Variants in SH3BP5 observed in about 807,000 individuals in gnomAD.
SH3BP5 encodes SH3 domain binding protein 5, also known as SH3 domain-binding protein 5.
Under a neutral mutation model 43.3 loss-of-function variants are expected in SH3BP5, and 22 were observed. The observed-to-expected ratio is 0.51, with a 90% confidence interval of 0.36 to 0.73. The LOEUF is 0.73. Among genes scored for constraint, SH3BP5 ranks in the 30% least tolerant of loss-of-function variants. The probability of loss-of-function intolerance (pLI) is 0.00; values close to 1 mark genes in which losing one functional copy is unlikely to be tolerated. For synonymous variants in SH3BP5, 255 were observed against 225.8 expected, an observed-to-expected ratio of 1.13 and a Z score of -1.16; for missense variants, 529 against 586.9, an observed-to-expected ratio of 0.90 and a Z score of 1.02.
intron 1 of SH3BP5, among the ~76,000 whole-genome samples, chr3:15,340,828 G>A (rs1026907985): frequency 7.2e-5 from 11 of 152,054 alleles, no homozygotes; most frequent in African/African-American, 2.2e-4. Context: ...TGAGGCGGGC[G>A]GATCACCTGA....
chr3:15,315,202 C>T (rs199528936), intron 2 of SH3BP5, among the ~76,000 whole-genome samples: 1 of 143,046 alleles, frequency 7.0e-6, no homozygotes, highest in Non-Finnish European at 1.5e-5. Flanking sequence ...CAAGACTGCC[C>T]AGGGCCAACT....
Position 15,288,148 on chromosome 3 carries a change from G to C in SH3BP5, c.330+15955C>G, listed in dbSNP as rs368123561. ...CAGAATTCCCTCTTGCTCATGGGAG[G>C]TCCCTCTTTTGCTCTATTCAGACCT... On this transcript the variant is annotated intron_variant, in intron 3 of 8. Transcript: ENST00000383791. 1.4e-4 allele frequency among the ~76,000 whole-genome samples: 21 copies of C among 152,310 alleles called. No homozygotes were observed. The South Asian group carries it at 2.1e-3, about 15-fold the overall frequency.
intron 5 of SH3BP5, among the ~76,000 whole-genome samples, chr3:15,261,928 T>C (rs1446668955): frequency 1.3e-5 from 2 of 152,170 alleles, no homozygotes; most frequent in African/African-American, 4.8e-5. Flanking sequence ...TTTTTCTGTG[T>C]TTCCTAACTT....
chr3:15,280,312 G>A (rs979778673), intron 3 of SH3BP5, among the ~76,000 whole-genome samples: 2 of 151,964 alleles, frequency 1.3e-5, no homozygotes, highest in Non-Finnish European at 2.9e-5. Flanking sequence ...GTGTGCCACC[G>A]GCTAGAGAAT....
chr3:15,319,151 T>C (rs2125131603), intron 2 of SH3BP5, among the ~76,000 whole-genome samples: 1 of 152,344 alleles, frequency 6.6e-6, no homozygotes, highest in Non-Finnish European at 1.5e-5. Flanking sequence ...TAATAGGTAT[T>C]GAAGCCATGC....
chr3:15,335,499 G>A (rs1029154437), upstream of SH3BP5, among the ~76,000 whole-genome samples: 1 of 151,996 alleles, frequency 6.6e-6, no homozygotes, highest in African/African-American at 2.4e-5. Flanking sequence ...CTTGAGCCCA[G>A]GAAGTCAAAG....
chr3:15,300,538 C>T (rs896258917), intron 3 of SH3BP5, among the ~76,000 whole-genome samples: 6 of 152,032 alleles, frequency 3.9e-5, no homozygotes, highest in African/African-American at 1.5e-4. Flanking sequence ...ACAGGAAGTC[C>T]TACTTGGCAG....
intron 7 of SH3BP5, 144 bp downstream of exon 7, chr3:15,258,687 A>G (rs906021247): frequency 1.2e-5 from 8 of 645,914 alleles, no homozygotes; most frequent in Non-Finnish European, 1.9e-5. Flanking sequence ...AGTGTTCCAT[A>G]AAACATGGGA....
chr3:15,256,151 A>C lies in SH3BP5; in HGVS notation c.1303T>G (p.Ser435Ala). 4 of 1,614,164 alleles carry C rather than the reference A, an allele frequency of 2.5e-6. No homozygotes were observed. Among genetic ancestry groups the C allele is most frequent in the Non-Finnish European group, 2.5e-6 (3 of 1,180,016 alleles). ...QALENRMKQL[S>A]LQCSKGRDGI... ...TCTCTTCCCTTTGAGCACTGTAGGGAGAGCTGCTTCATCCGGTTCTCCAAG... is the reference window on the plus strand; with the variant it reads ...TCTCTTCCCTTTGAGCACTGTAGGGCGAGCTGCTTCATCCGGTTCTCCAAG... Residue 435 changes from serine (S) to alanine (A), a missense_variant, in exon 9 of 9, where the codon TCC (serine) becomes GCC (alanine). Transcript: ENST00000383791.
At chr3:15,327,719 G>A (rs1698499686) in intron 2 of SH3BP5, among the ~76,000 whole-genome samples, 1 of 152,226 alleles carries the variant, frequency 6.6e-6, no homozygotes, top group Non-Finnish European at 1.5e-5. Context: ...GGCCAACAGT[G>A]TCTGACAAGC....
intron 8 of SH3BP5, 100 bp from the exon 9 acceptor site, chr3:15,256,403 A>C (rs1696201492): frequency 3.1e-6 from 4 of 1,309,684 alleles, no homozygotes; most frequent in Non-Finnish European, 4.3e-6. Context: ...GACAATTCTA[A>C]GTCACTTGAG....
intron 3 of SH3BP5, among the ~76,000 whole-genome samples, chr3:15,282,677 T>G (rs903483036): frequency 1.3e-5 from 2 of 150,956 alleles, no homozygotes; most frequent in African/African-American, 4.9e-5. Flanking sequence ...GGATACTAGA[T>G]GATATTTAAA....
At chr3:15,283,169 G>A (rs1341173630) in intron 3 of SH3BP5, among the ~76,000 whole-genome samples, 5 of 152,194 alleles carry the variant, frequency 3.3e-5, no homozygotes, top group East Asian at 1.9e-4. Context: ...AGGCCAAGGC[G>A]GGTGGATCAC....
chr3:15,269,818 A>T lies in SH3BP5; in HGVS notation c.390T>A (p.Arg130=). ...CCAGGGAGATGGTCTCCTTGGCGGC[A>T]CGGAGCACCTCTGTGGCCCTCTGGA... The part of the protein sequence containing the change: ...QDFQRATEVL[R]AAKETISLAE... The change falls in exon 4 of 9, where the codon CGT becomes CGA. Residue 130 remains arginine, a synonymous_variant. Coordinates refer to ENST00000383791, the MANE Select transcript of SH3BP5 (RefSeq NM_004844.5). The T allele has an allele frequency of 6.2e-7, 1 of 1,606,762 alleles. No homozygotes were observed. Among genetic ancestry groups the T allele is most frequent in the African/African-American group, 1.3e-5 (1 of 74,786 alleles).
At chr3:15,320,860 G>GTA (rs1698309125) in intron 2 of SH3BP5, among the ~76,000 whole-genome samples, 1 of 152,200 alleles carries the variant, frequency 6.6e-6, no homozygotes, top group East Asian at 1.9e-4. Context: ...ATACAGCTGG[G>GTA]GATACAGTCA....
At chr3:15,274,139 G>A (rs11709682) in intron 3 of SH3BP5, among the ~76,000 whole-genome samples, 18,321 of 151,906 alleles carry the variant, frequency 0.12, 1,276 homozygotes, top group South Asian at 0.24. Flanking sequence ...CCAGCTACTC[G>A]GGAGGCTGAG....
intron 3 of SH3BP5, among the ~76,000 whole-genome samples, chr3:15,287,981 T>C (rs1697310939): frequency 6.6e-6 from 1 of 152,232 alleles, no homozygotes. Context: ...AGGATGTTTA[T>C]ATAAGCATTT....
chr3:15,337,457 G>GT (rs577801856), upstream of SH3BP5, among the ~76,000 whole-genome samples: 3 of 152,050 alleles, frequency 2.0e-5, no homozygotes, highest in African/African-American at 4.8e-5. Context: ...TTTTTGTTCT[G>GT]TTTTTTGTTT....
At chr3:15,304,814 CAAAAA>C (rs11358968) in intron 2 of SH3BP5, among the ~76,000 whole-genome samples, 5 of 80,148 alleles carry the variant, frequency 6.2e-5, no homozygotes, top group Non-Finnish European at 5.0e-5. Flanking sequence ...GACTCTGTCT[CAAAAA>C]AAAAAAAAAA....
Sources: allele counts gnomAD v4.1 joint callset (sites outside exome capture counted in the v4.1 genomes callset), GRCh38; gene constraint gnomAD v4.1.1; transcripts MANE v1.5; gene names NCBI Gene and HGNC (gene_info 2026-07-23, HGNC 2026-07-21).